Variants in TCF4 observed in about 807,000 individuals in gnomAD.
TCF4 encodes the protein SL3-3 enhancer factor 2.
A neutral mutation model predicts 82.1 loss-of-function variants in TCF4; 3 were observed. The ratio of observed to expected loss-of-function variants is 0.04; its 90% CI spans 0.02 to 0.09. The LOEUF is 0.09. TCF4 is among the 10% of genes least tolerant of loss of function. The pLI, the probability that TCF4 is intolerant of heterozygous loss-of-function variation, is 1.00. For missense variants in TCF4, 518 were observed against 852.7 expected, an observed-to-expected ratio of 0.61 and a Z score of 4.89; for synonymous variants, 276 against 309.6, an observed-to-expected ratio of 0.89 and a Z score of 1.14.
chr18:55,244,279 C>T (rs1468513021), intron 15 of TCF4, among the ~76,000 whole-genome samples: 3 of 152,122 alleles, frequency 2.0e-5, no homozygotes, highest in Non-Finnish European at 2.9e-5. Context: ...CCTTAGATTG[C>T]ATCCAAAACC....
chr18:55,403,550 T>C lies in TCF4; in HGVS notation c.305-32A>G, dbSNP rs1046024617. Reference sequence around the variant, plus strand: ...AGAGAAACGACAAAAAAGTGTAAATTGTGTTTTTCCTTAAAAAAAAATCTC... The same window carrying C: ...AGAGAAACGACAAAAAAGTGTAAATCGTGTTTTTCCTTAAAAAAAAATCTC... On this transcript the variant is annotated intron_variant, in intron 5 of 19. Coordinates refer to ENST00000354452, the MANE Select transcript of TCF4 (RefSeq NM_001083962.2). 3.1e-6 allele frequency: 5 copies of C among 1,613,788 alleles called. No individual in the cohort carries two copies. The East Asian group carries it at 8.9e-5, about 29-fold the overall frequency.
At chr18:55,560,318 A>G (rs537716742) in intron 3 of TCF4, among the ~76,000 whole-genome samples, 2 of 152,360 alleles carry the variant, frequency 1.3e-5, no homozygotes, top group South Asian at 4.1e-4. Context: ...ACATACATGA[A>G]TGAAATTACC....
intron 8 of TCF4, among the ~76,000 whole-genome samples, chr18:55,304,155 T>C (rs529243947): frequency 7.9e-5 from 12 of 152,246 alleles, no homozygotes; most frequent in Admixed American, 3.9e-4. Context: ...TCAGTGTGAA[T>C]GGCGGAAGTT....
intron 8 of TCF4, chr18:55,321,422 T>C: frequency 1.7e-6 from 1 of 576,750 alleles, no homozygotes. Flanking sequence ...CGCTCTAGGA[T>C]CCACTCTCTA....
chr18:55,275,275 G>GGAAAAA lies in TCF4; in HGVS notation c.789+343_789+344insTTTTTC, dbSNP rs1555795909. Among the ~76,000 whole-genome samples the GGAAAAA allele has an allele frequency of 2.6e-3, 189 of 71,358 alleles. 2 individuals carry two copies. Among genetic ancestry groups the GGAAAAA allele is most frequent in the South Asian group, 0.012 (19 of 1,546 alleles). 46.8% of individuals were successfully genotyped at this position (71,358 alleles called of 152,430 possible). The stretch of plus-strand genomic sequence containing the variant: ...AGTACATCTTTTGAAACTACAGATA[G>GGAAAAA]AAAAAAAAAAAAAAAAAAAAAAACC... On this transcript the variant is annotated intron_variant, in intron 10 of 19. Coordinates refer to ENST00000354452, the MANE Select transcript of TCF4 (RefSeq NM_001083962.2).
chr18:55,380,462 A>T (rs1018854721), intron 6 of TCF4, among the ~76,000 whole-genome samples: 4 of 151,782 alleles, frequency 2.6e-5, no homozygotes, highest in African/African-American at 9.7e-5. Context: ...TCCTCTTCTT[A>T]TAAGGACATT....
chr18:55,285,357 G>C (rs2063458133), intron 8 of TCF4, among the ~76,000 whole-genome samples: 1 of 152,026 alleles, frequency 6.6e-6, no homozygotes, highest in Non-Finnish European at 1.5e-5. Context: ...TGAGGATTAG[G>C]GATAATATAT....
intron 6 of TCF4, among the ~76,000 whole-genome samples, chr18:55,386,332 C>T (rs1453278091): frequency 6.6e-6 from 1 of 152,236 alleles, no homozygotes; most frequent in African/African-American, 2.4e-5. Flanking sequence ...GCCAATATCA[C>T]ACAGCCATGG....
In TCF4 at chr18:55,224,431, C is replaced by T. The variant is rs2046327110; in HGVS notation, c.*3604G>A. On this transcript the variant is annotated 3_prime_UTR_variant, in exon 20 of 20. Coordinates refer to ENST00000354452, the MANE Select transcript of TCF4 (RefSeq NM_001083962.2). The stretch of plus-strand genomic sequence containing the variant: ...TGTGTTGGAATTCATCATATTCCAT[C>T]TTGACTTTTTTGCTTCCAGTCAGCC... 1 of 152,590 alleles carries T rather than the reference C, an allele frequency of 6.6e-6. No homozygotes were observed. Among genetic ancestry groups the T allele is most frequent in the Non-Finnish European group, 1.5e-5 (1 of 68,020 alleles). 9.5% of individuals were successfully genotyped at this position (152,590 alleles called of 1,614,324 possible).
At chr18:55,254,228 G>C (rs1222188146) in intron 15 of TCF4, among the ~76,000 whole-genome samples, 1 of 152,164 alleles carries the variant, frequency 6.6e-6, no homozygotes, top group African/African-American at 2.4e-5. Flanking sequence ...TGGAAGTGGA[G>C]GGATGGGGAA....
At position 55,410,902 on chromosome 18, in the gene TCF4, A is replaced by G. The variant is rs149996967; in HGVS notation, c.305-7384T>C. On this transcript the variant is annotated intron_variant, in intron 5 of 19. Transcript: ENST00000354452. ...AAAAACTACCTTTTCAGTGCAGAAT[A>G]AAAATATTGTCCTAGATGATTTCAC... Among the ~76,000 whole-genome samples, 4 of 152,320 alleles carry G rather than the reference A, an allele frequency of 2.6e-5. No homozygotes were observed. The East Asian group carries it at 7.7e-4, about 29-fold the overall frequency.
intron 2 of TCF4, among the ~76,000 whole-genome samples, chr18:55,602,013 A>C (rs1352809311): frequency 6.6e-6 from 1 of 152,104 alleles, no homozygotes; most frequent in Non-Finnish European, 1.5e-5. Context: ...TTTCTCACTT[A>C]ACGGGATGTC....
At chr18:55,275,298 A>C (rs78527762) in intron 10 of TCF4, among the ~76,000 whole-genome samples, 2 of 150,696 alleles carry the variant, frequency 1.3e-5, no homozygotes. Context: ...AAAAAAAAAA[A>C]CCAGGAACCA....
At chr18:55,377,813 T>C (rs887086330) in intron 6 of TCF4, among the ~76,000 whole-genome samples, 4 of 152,242 alleles carry the variant, frequency 2.6e-5, no homozygotes, top group Non-Finnish European at 2.9e-5. Context: ...TATACTGTGT[T>C]GAACTTGTAT....
chr18:55,554,685 T>C lies in TCF4; in HGVS notation c.145+30595A>G, dbSNP rs866188308. Among the ~76,000 whole-genome samples, 159 of 152,294 alleles carry C rather than the reference T, an allele frequency of 1.0e-3. 1 individual carries two copies. The highest frequency in any genetic ancestry group is 3.6e-3 in the African/African-American group (150 of 41,564). Reference sequence around the variant, plus strand: ...TTGAAGGAAGCAAGCGGCTGCCATATACAATGTGCATGTACAACCCCAGGG... The same window carrying C: ...TTGAAGGAAGCAAGCGGCTGCCATACACAATGTGCATGTACAACCCCAGGG... On this transcript the variant is annotated intron_variant, in intron 3 of 19. Coordinates refer to ENST00000354452, the MANE Select transcript of TCF4 (RefSeq NM_001083962.2).
At chr18:55,586,050 T>G in intron 2 of TCF4, 1 of 1,393,660 alleles carries the variant, frequency 7.2e-7, no homozygotes. Flanking sequence ...GCTGCAAAGC[T>G]GCCTGCCTAG....
intron 3 of TCF4, among the ~76,000 whole-genome samples, chr18:55,540,091 T>C (rs1434579152): frequency 1.3e-5 from 2 of 150,468 alleles, no homozygotes; most frequent in African/African-American, 2.4e-5. Flanking sequence ...ATAGACATAA[T>C]ATAGAATGAG....
intron 3 of TCF4, among the ~76,000 whole-genome samples, chr18:55,581,880 T>C (rs760838365): frequency 6.6e-6 from 1 of 152,092 alleles, no homozygotes; most frequent in Non-Finnish European, 1.5e-5. Context: ...CTTTTAACAA[T>C]ACCTGAACAC....
intron 5 of TCF4, among the ~76,000 whole-genome samples, chr18:55,411,683 G>T (rs915230060): frequency 6.6e-6 from 1 of 152,022 alleles, no homozygotes; most frequent in Non-Finnish European, 1.5e-5. Flanking sequence ...CAGATTCCTG[G>T]GTTCTCTTCT....
Sources: allele counts gnomAD v4.1 joint callset (sites outside exome capture counted in the v4.1 genomes callset), GRCh38; gene constraint gnomAD v4.1.1; transcripts MANE v1.5; gene names NCBI Gene and HGNC (gene_info 2026-07-23, HGNC 2026-07-21).